SYCP2: variants seen among roughly 807,000 people sequenced by gnomAD.
SYCP2 encodes the protein synaptonemal complex lateral element protein.
In SYCP2, 55 loss-of-function variants were observed where a neutral mutation model predicts 211.3. The observed-to-expected ratio is 0.26, with a 90% CI of 0.21 to 0.33. The LOEUF is 0.33. Ranked by LOEUF, SYCP2 falls within the 10% of genes least tolerant of loss-of-function variation. The pLI, the probability that SYCP2 is intolerant of heterozygous loss-of-function variation, is 1.00. For missense variants in SYCP2, 1,731 were observed against 1,752.0 expected (o/e 0.99, Z 0.21); for synonymous variants, 570 against 555.2 (o/e 1.03, Z -0.37).
At chr20:59,923,904 A>C (rs2060587010) in intron 2 of SYCP2, among the ~76,000 whole-genome samples, 1 of 151,932 alleles carries the variant, frequency 6.6e-6, no homozygotes, top group Non-Finnish European at 1.5e-5. Context: ...TGATAGATTA[A>C]AAGTTACATA....
intron 31 of SYCP2, among the ~76,000 whole-genome samples, chr20:59,879,822 AATATATATATATATATAT>A (rs1159547809): frequency 7.8e-5 from 4 of 51,118 alleles, no homozygotes; most frequent in Non-Finnish European, 1.3e-4. Context: ...AATATAAATA[AATATATATATATATATAT>A]ATATATATAT....
rs192602258 is a variant in SYCP2, at chr20:59,897,013, G to A, written c.1405-485C>T. Among the ~76,000 whole-genome samples, 4 of 152,244 alleles carry A rather than the reference G, an allele frequency of 2.6e-5. No individual in the cohort carries two copies. The East Asian group carries it at 7.7e-4, about 29-fold the overall frequency. On this transcript the variant is annotated intron_variant, in intron 18 of 44. Transcript: ENST00000357552. The stretch of plus-strand genomic sequence containing the variant: ...ACTAAACTGGAGTGAAGTAGCTGCA[G>A]GAATTCATAGATTCAGTGGCACATA...
At chr20:59,884,076 TC>T (rs1472982848) in intron 26 of SYCP2, among the ~76,000 whole-genome samples, 3 of 152,024 alleles carry the variant, frequency 2.0e-5, no homozygotes. Context: ...TCTAATAAAA[TC>T]CTTTAACCTT....
At chr20:59,922,369 T>A (rs374066599) in intron 3 of SYCP2, 21 bp downstream of exon 3, 1 of 1,566,528 alleles carries the variant, frequency 6.4e-7, no homozygotes, top group African/African-American at 1.4e-5. Context: ...AAATACTTAC[T>A]TTTGGTCTAG....
chr20:59,874,809 T>C (rs890558676), intron 34 of SYCP2, among the ~76,000 whole-genome samples: 2 of 152,056 alleles, frequency 1.3e-5, no homozygotes, highest in African/African-American at 4.8e-5. Flanking sequence ...TTAGCAATCA[T>C]TTAAAAATAA....
At chr20:59,869,656 TA>T (rs2059412407) in intron 36 of SYCP2, 141 bp downstream of exon 36, 4 of 515,756 alleles carry the variant, frequency 7.8e-6, no homozygotes, top group Non-Finnish European at 1.3e-5. Context: ...AGCCATTCTA[TA>T]TACTTTAAAC....
chr20:59,910,449 C>T (rs996584435), intron 14 of SYCP2, among the ~76,000 whole-genome samples: 3 of 134,236 alleles, frequency 2.2e-5, no homozygotes, highest in East Asian at 2.3e-4. Context: ...GGCCCGATCT[C>T]GGCTCACTGC....
chr20:59,916,357 AGATT>A (rs1184884986), intron 8 of SYCP2, 125 bp downstream of exon 8: 9 of 607,352 alleles, frequency 1.5e-5, no homozygotes, highest in Non-Finnish European at 2.7e-5. Context: ...GTCAGGCAAT[AGATT>A]ATGATAGAAA....
At chr20:59,903,815 G>C (rs919386469) in intron 15 of SYCP2, among the ~76,000 whole-genome samples, 1 of 152,146 alleles carries the variant, frequency 6.6e-6, no homozygotes, top group Non-Finnish European at 1.5e-5. Flanking sequence ...TATGGACATG[G>C]AAGACTGCCA....
In SYCP2 at chr20:59,875,330, CAAT is replaced by C; in HGVS notation, c.3287_3289del (p.Asn1096_Cys1097delinsSer). 3 of 1,611,260 alleles carry C rather than the reference CAAT, an allele frequency of 1.9e-6. No homozygotes were observed. Among genetic ancestry groups the C allele is most frequent in the Non-Finnish European group, 2.5e-6 (3 of 1,178,306 alleles). ...TAAAGATCTGGGAGATAAGTCAAGG[CAAT>C]TATCTCGTATAGCATCTTTTAGTAG... On this transcript the variant is annotated inframe_deletion, in exon 34 of 45. Coordinates refer to ENST00000357552, the MANE Select transcript of SYCP2 (RefSeq NM_014258.4).
chr20:59,882,863 G>A (rs567159592), intron 26 of SYCP2, among the ~76,000 whole-genome samples: 47 of 151,800 alleles, frequency 3.1e-4, no homozygotes, highest in Non-Finnish European at 5.6e-4. Context: ...GATAAAGATG[G>A]TAAATTTTAT....
chr20:59,932,893 G>A (rs573731363), intron 1 of SYCP2, among the ~76,000 whole-genome samples: 7 of 152,226 alleles, frequency 4.6e-5, no homozygotes, highest in South Asian at 2.1e-4. Flanking sequence ...TGAAGGCGCC[G>A]AGCAGGAGGA....
intron 15 of SYCP2, among the ~76,000 whole-genome samples, chr20:59,902,774 T>C (rs1189144931): frequency 2.6e-5 from 4 of 152,132 alleles, no homozygotes; most frequent in Non-Finnish European, 4.4e-5. Flanking sequence ...GAATTAACAA[T>C]TGCTTGAAAG....
In SYCP2 at chr20:59,919,580, T is replaced by C. The variant is rs1183545573; in HGVS notation, c.315A>G (p.Glu105=). Residue 105 remains glutamate, a synonymous_variant, in exon 6 of 45, where the codon GAA becomes GAG. Transcript: ENST00000357552. The part of the protein sequence containing the change: ...GLIQKMVAWF[E]KSKDIIQSQG... ...GACTCTGAATAATGTCCTTGGATTT[T>C]TCAAACCAGGCAACCATGTAAAAAA... 1 of 1,607,262 alleles carries C rather than the reference T, an allele frequency of 6.2e-7. No individual in the cohort carries two copies. The highest frequency in any genetic ancestry group is 8.5e-7 in the Non-Finnish European group (1 of 1,176,030).
chr20:59,887,166 G>T (rs113823214), intron 24 of SYCP2, among the ~76,000 whole-genome samples: 4 of 143,646 alleles, frequency 2.8e-5, no homozygotes, highest in African/African-American at 1.0e-4. Context: ...CCTACCCCAC[G>T]ACAGGCCCCA....
At chr20:59,909,906 T>C (rs2060284115) in intron 14 of SYCP2, among the ~76,000 whole-genome samples, 1 of 152,194 alleles carries the variant, frequency 6.6e-6, no homozygotes, top group Admixed American at 6.5e-5. Flanking sequence ...GAATACTCTA[T>C]GAGAAGGCAA....
intron 15 of SYCP2, among the ~76,000 whole-genome samples, chr20:59,906,735 TAAGC>T (rs2060220894): frequency 6.6e-6 from 1 of 151,920 alleles, no homozygotes; most frequent in African/African-American, 2.4e-5. Flanking sequence ...AGAAAATGAA[TAAGC>T]AAGATACAAT....
chr20:59,867,770 T>C lies in SYCP2; in HGVS notation c.4066A>G (p.Ile1356Val). ...TCGTAAGTCTCATAAGTCATCTCTA[T>C]CCCTGCAAATTCATTTTGCCAGGTC... ...WETWQNEFAG[I>V]EMTYETYERL... Residue 1356 changes from isoleucine (I) to valine (V), a missense_variant, in exon 39 of 45, where the codon ATA (isoleucine) becomes GTA (valine). This residue lies in a region of SYCP2 where 1,387 missense variants were observed against 1,351.3 expected (regional missense o/e 1.03). Transcript: ENST00000357552. The C allele has an allele frequency of 6.2e-7, 1 of 1,610,236 alleles. No individual in the cohort carries two copies. Among genetic ancestry groups the C allele is most frequent in the African/African-American group, 1.3e-5 (1 of 74,830 alleles).
In SYCP2 at chr20:59,893,580, G is replaced by T. The variant is rs1302868167; in HGVS notation, c.1679C>A (p.Ala560Asp). 1 of 1,608,292 alleles carries T rather than the reference G, an allele frequency of 6.2e-7. No individual in the cohort carries two copies. The highest frequency in any genetic ancestry group is 1.1e-5 in the South Asian group (1 of 90,396). ...RDNIDKHIKT[A>D]KCVENTENKN... is the part of the protein sequence containing the mutation. ...ATTTTCTGTGTTTTCTACACACTTA[G>T]CAGTTTTGATATGCTGTAAACACAG... Residue 560 changes from alanine (A) to aspartate (D), a missense_variant, in exon 21 of 45, where the codon GCT becomes GAT. Ala to Asp is a moderately radical substitution (Grantham distance 126). Coordinates refer to ENST00000357552, the MANE Select transcript of SYCP2 (RefSeq NM_014258.4).
Sources: allele counts gnomAD v4.1 joint callset (sites outside exome capture counted in the v4.1 genomes callset), GRCh38; gene constraint gnomAD v4.1.1; regional missense constraint gnomAD v4.1.1; transcripts MANE v1.5; gene names NCBI Gene and HGNC (gene_info 2026-07-23, HGNC 2026-07-21).